Variants in WASF1 observed in about 807,000 individuals in gnomAD.
WASF1 encodes the protein WASP family member 1, also known as actin-binding protein WASF1.
WASF1 carries 7 observed loss-of-function variants against 50.5 expected under a neutral mutation model. The ratio of observed to expected loss-of-function variants is 0.14; its 90% CI spans 0.08 to 0.26. The LOEUF (loss-of-function observed/expected upper bound fraction) is 0.26, where lower values mean the gene tolerates loss of function less well. Among genes scored for constraint, WASF1 ranks in the 10% least tolerant of loss-of-function variants. The probability of loss-of-function intolerance (pLI) is 1.00; values close to 1 mark genes in which losing one functional copy is unlikely to be tolerated. For missense variants in WASF1, 470 were observed against 694.7 expected (o/e 0.68, Z 3.64); for synonymous variants, 205 against 244.0 (o/e 0.84, Z 1.49).
At chr6:110,144,574 T>C (rs1775444088) in intron 3 of WASF1, among the ~76,000 whole-genome samples, 1 of 152,218 alleles carries the variant, frequency 6.6e-6, no homozygotes, top group Non-Finnish European at 1.5e-5. Flanking sequence ...CTAGGTTTTC[T>C]TCTAGGGTTT....
intron 4 of WASF1, among the ~76,000 whole-genome samples, chr6:110,119,217 C>A (rs979398585): frequency 1.3e-5 from 2 of 150,890 alleles, no homozygotes; most frequent in African/African-American, 4.8e-5. Context: ...AGGAGACACA[C>A]AAAAACCCTT....
At chr6:110,163,860 T>C (rs555542151) in intron 2 of WASF1, among the ~76,000 whole-genome samples, 10 of 151,328 alleles carry the variant, frequency 6.6e-5, no homozygotes, top group African/African-American at 2.4e-4. Flanking sequence ...TTTGGAGAAA[T>C]AGAAAAATAG....
At chr6:110,145,797 G>A (rs1375739388) in intron 3 of WASF1, among the ~76,000 whole-genome samples, 3 of 152,066 alleles carry the variant, frequency 2.0e-5, no homozygotes, top group African/African-American at 4.8e-5. Context: ...ATATTATGCA[G>A]TCATAAAAAA....
At chr6:110,139,878 TATA>T (rs1775148304) in intron 3 of WASF1, among the ~76,000 whole-genome samples, 1 of 152,320 alleles carries the variant, frequency 6.6e-6, no homozygotes, top group African/African-American at 2.4e-5. Flanking sequence ...AATAGAAAAT[TATA>T]ATAATATACT....
intron 5 of WASF1, among the ~76,000 whole-genome samples, chr6:110,110,068 A>G (rs564491523): frequency 7.2e-5 from 11 of 152,296 alleles, no homozygotes; most frequent in African/African-American, 2.2e-4. Context: ...AGAGAAGCAA[A>G]AAGTTTTTCC....
Position 110,100,501 on chromosome 6 carries a change from A to G in WASF1, c.*21T>C, listed in dbSNP as rs1773032996. 12 of 1,591,860 alleles carry G rather than the reference A, an allele frequency of 7.5e-6. No homozygotes were observed. The highest frequency in any genetic ancestry group is 1.0e-5 in the Non-Finnish European group (12 of 1,165,286). On this transcript the variant is annotated 3_prime_UTR_variant, in exon 11 of 11. Coordinates refer to ENST00000392589, the MANE Select transcript of WASF1 (RefSeq NM_003931.3). ...AAGGACATTTGCATTCAGTTTTGTA[A>G]TATTTATCAATGCATTTTTCTTACT... is the stretch of plus-strand genomic sequence containing the variant.
chr6:110,166,481 G>C (rs1285661010), intron 2 of WASF1, among the ~76,000 whole-genome samples: 2 of 151,828 alleles, frequency 1.3e-5, no homozygotes, highest in Non-Finnish European at 2.9e-5. Context: ...ACACCAGAAA[G>C]TCAACATGAA....
rs1777039107 is a variant in WASF1, at chr6:110,178,611, G to T, written c.-140C>A. ...GTATTTAAGTACCTAGTCTAGCTGGGGATCAATTAATTAATCGGTTATAGG... is the reference window on the plus strand; with the variant it reads ...GTATTTAAGTACCTAGTCTAGCTGGTGATCAATTAATTAATCGGTTATAGG... On this transcript the variant is annotated 5_prime_UTR_variant, in exon 2 of 11. Coordinates refer to ENST00000392589, the MANE Select transcript of WASF1 (RefSeq NM_003931.3). 1 of 152,600 alleles carries T rather than the reference G, an allele frequency of 6.6e-6. No individual in the cohort carries two copies. The highest frequency in any genetic ancestry group is 6.5e-5 in the Admixed American group (1 of 15,274). 9.5% of individuals were successfully genotyped at this position (152,600 alleles called of 1,614,324 possible).
chr6:110,110,001 T>C (rs183113847), intron 5 of WASF1, among the ~76,000 whole-genome samples: 3 of 152,318 alleles, frequency 2.0e-5, no homozygotes, highest in Non-Finnish European at 4.4e-5. Flanking sequence ...ATTCCATTTC[T>C]AGCAATTCCA....
intron 2 of WASF1, among the ~76,000 whole-genome samples, chr6:110,171,423 A>G (rs752440672): frequency 3.3e-5 from 5 of 152,178 alleles, no homozygotes; most frequent in Non-Finnish European, 7.4e-5. Context: ...GGATACATCA[A>G]AAGCAGTGCT....
At chr6:110,144,223 G>C (rs1306416626) in intron 3 of WASF1, among the ~76,000 whole-genome samples, 3 of 152,146 alleles carry the variant, frequency 2.0e-5, no homozygotes. Context: ...GTGATGATGA[G>C]CTTTTTTTCA....
chr6:110,174,237 A>C (rs925542786), intron 2 of WASF1, among the ~76,000 whole-genome samples: 1 of 152,114 alleles, frequency 6.6e-6, no homozygotes, highest in African/African-American at 2.4e-5. Context: ...CCTGACTCCC[A>C]GTGTAAATCC....
intron 4 of WASF1, among the ~76,000 whole-genome samples, chr6:110,119,560 C>G (rs1238500398): frequency 6.6e-6 from 1 of 152,070 alleles, no homozygotes; most frequent in Non-Finnish European, 1.5e-5. Context: ...AGCCTACCAA[C>G]CAAAAAAAGC....
At chr6:110,103,650 T>G (rs1773192461) in intron 8 of WASF1, 93 bp from the exon 9 acceptor site, 2 of 1,116,540 alleles carry the variant, frequency 1.8e-6, no homozygotes, top group African/African-American at 3.2e-5. Flanking sequence ...GTTTATCCTT[T>G]CAATGCCAAT....
At chr6:110,148,707 G>A (rs1465159463) in intron 3 of WASF1, among the ~76,000 whole-genome samples, 1 of 152,168 alleles carries the variant, frequency 6.6e-6, no homozygotes, top group African/African-American at 2.4e-5. Flanking sequence ...GATCAGGAAT[G>A]ACCATTCATT....
chr6:110,155,702 C>G (rs1414574386), intron 3 of WASF1, among the ~76,000 whole-genome samples: 1 of 60,072 alleles, frequency 1.7e-5, no homozygotes, highest in African/African-American at 7.1e-5. Flanking sequence ...ATCCCTCCCC[C>G]CTCCCCCGAC....
intron 3 of WASF1, among the ~76,000 whole-genome samples, chr6:110,153,802 A>G (rs890382448): frequency 1.3e-5 from 2 of 152,038 alleles, no homozygotes; most frequent in African/African-American, 4.8e-5. Flanking sequence ...GAAAAAAAAA[A>G]AAGCCAACAA....
intron 4 of WASF1, among the ~76,000 whole-genome samples, chr6:110,122,054 G>A (rs538362344): frequency 3.3e-4 from 50 of 152,040 alleles, no homozygotes; most frequent in Non-Finnish European, 6.0e-4. Context: ...GGCTGGGGGA[G>A]GGATAGCATT....
intron 4 of WASF1, among the ~76,000 whole-genome samples, chr6:110,124,124 T>C (rs1216676121): frequency 6.7e-6 from 1 of 149,340 alleles, no homozygotes; most frequent in Admixed American, 6.7e-5. Flanking sequence ...GCATGTGCAC[T>C]AGGGAAATGT....
Sources: gnomAD v4.1 joint callset for allele counts (sites outside exome capture counted in the v4.1 genomes callset) on GRCh38, gnomAD v4.1.1 for gene constraint, MANE v1.5 for transcripts, NCBI Gene and HGNC (gene_info 2026-07-23, HGNC 2026-07-21) for gene names.